Variants in CSRNP3 observed in about 807,000 individuals in gnomAD.
CSRNP3 encodes cysteine and serine rich nuclear protein 3.
A neutral mutation model predicts 48.0 loss-of-function variants in CSRNP3; 12 were observed. The observed-to-expected ratio is 0.25, with a 90% confidence interval of 0.16 to 0.41. The LOEUF is 0.41. Ranked by LOEUF, CSRNP3 falls within the 10% of genes least tolerant of loss-of-function variation. CSRNP3 has a pLI of 1.00. For synonymous variants in CSRNP3, 263 were observed against 269.7 expected (o/e 0.98, Z 0.24); for missense variants, 580 against 724.4 (o/e 0.80, Z 2.29).
intron 3 of CSRNP3, among the ~76,000 whole-genome samples, chr2:165,568,701 T>TA (rs1352346054): frequency 6.6e-6 from 1 of 151,984 alleles, no homozygotes; most frequent in Non-Finnish European, 1.5e-5. Flanking sequence ...TCAGACCAAC[T>TA]AAGAATAAAG....
intron 4 of CSRNP3, among the ~76,000 whole-genome samples, chr2:165,596,013 G>A (rs1040215484): frequency 2.8e-4 from 43 of 151,666 alleles, no homozygotes; most frequent in African/African-American, 5.8e-4. Flanking sequence ...TATAGATGGC[G>A]TTTCACCATA....
intron 4 of CSRNP3, among the ~76,000 whole-genome samples, chr2:165,642,712 G>A (rs941388596): frequency 5.9e-5 from 9 of 151,990 alleles, no homozygotes; most frequent in South Asian, 2.1e-4. Context: ...ACAGGCATGC[G>A]CCACCATGCC....
chr2:165,678,555 C>G, intron 6 of CSRNP3, 146 bp from the exon 7 acceptor site: 1 of 902,156 alleles, frequency 1.1e-6, no homozygotes, highest in East Asian at 2.6e-5. Flanking sequence ...CTTTTCATTT[C>G]TATTTGAAGT....
At chr2:165,649,305 C>T (rs189020533) in intron 4 of CSRNP3, among the ~76,000 whole-genome samples, 29 of 152,256 alleles carry the variant, frequency 1.9e-4, no homozygotes, top group African/African-American at 7.0e-4. Context: ...CACTCAGAAG[C>T]TGCAATGTGC....
intron 4 of CSRNP3, among the ~76,000 whole-genome samples, chr2:165,627,673 A>T (rs561407646): frequency 6.6e-5 from 10 of 152,162 alleles, no homozygotes; most frequent in Admixed American, 2.0e-4. Flanking sequence ...ACCTAAACAA[A>T]ACTCTCTGTC....
At chr2:165,542,434 G>A (rs1201796675) in intron 3 of CSRNP3, among the ~76,000 whole-genome samples, 1 of 152,074 alleles carries the variant, frequency 6.6e-6, no homozygotes, top group African/African-American at 2.4e-5. Context: ...AAGCATATAT[G>A]TACATAAACA....
chr2:165,505,450 C>T (rs1684413472), intron 2 of CSRNP3, among the ~76,000 whole-genome samples: 1 of 152,034 alleles, frequency 6.6e-6, no homozygotes, highest in African/African-American at 2.4e-5. Flanking sequence ...TTAAAAAAAT[C>T]TTCAATTATT....
Position 165,658,683 on chromosome 2 carries a change from G to A in CSRNP3, c.408+663G>A, listed in dbSNP as rs146029128. 2.6e-3 allele frequency among the ~76,000 whole-genome samples: 392 copies of A among 152,258 alleles called. 3 individuals carry two copies. The highest frequency in any genetic ancestry group is 8.6e-3 in the African/African-American group (357 of 41,526). On this transcript the variant is annotated intron_variant, in intron 5 of 6. Transcript: ENST00000651982. ...GCTGGAGAGGCCTCACAATCATGGC[G>A]GAGGGCAAAAGGCACTTATTACATG...
At chr2:165,642,154 A>G (rs1409939723) in intron 4 of CSRNP3, among the ~76,000 whole-genome samples, 2 of 150,802 alleles carry the variant, frequency 1.3e-5, no homozygotes, top group African/African-American at 2.5e-5. Flanking sequence ...ACACGGTATA[A>G]TGTATGTATT....
At chr2:165,563,386 T>A (rs1165268989) in intron 3 of CSRNP3, among the ~76,000 whole-genome samples, 2 of 152,136 alleles carry the variant, frequency 1.3e-5, no homozygotes, top group Non-Finnish European at 2.9e-5. Context: ...TCAAATAAGG[T>A]AAACGCCAAC....
rs1303513797 is a variant in CSRNP3, at chr2:165,687,666, G to T, written c.*7913G>T. 6.6e-6 allele frequency: 1 copy of T among 151,992 alleles called. No individual in the cohort carries two copies. The highest frequency in any genetic ancestry group is 1.5e-5 in the Non-Finnish European group (1 of 67,986). The allele number at this position is 151,992 out of a possible 1,614,324, so 9.4% of individuals were successfully genotyped here. On this transcript the variant is annotated 3_prime_UTR_variant, in exon 7 of 7. Coordinates refer to ENST00000651982, the MANE Select transcript of CSRNP3 (RefSeq NM_001172173.2). ...ATTTGATCCCAGCCTTTGTCCTTGTGTTATTTAAACAATGGCTTCCTGCTT... is the reference window on the plus strand; with the variant it reads ...ATTTGATCCCAGCCTTTGTCCTTGTTTTATTTAAACAATGGCTTCCTGCTT...
chr2:165,513,517 G>A (rs1340517962), intron 2 of CSRNP3, among the ~76,000 whole-genome samples: 1 of 152,120 alleles, frequency 6.6e-6, no homozygotes, highest in Admixed American at 6.5e-5. Context: ...TTAAAGGCAG[G>A]AACAAGATGA....
chr2:165,526,089 A>G (rs1684729276), intron 3 of CSRNP3, among the ~76,000 whole-genome samples: 1 of 152,166 alleles, frequency 6.6e-6, no homozygotes, highest in Non-Finnish European at 1.5e-5. Context: ...TGTCCGACTG[A>G]CGTATGTATT....
intron 5 of CSRNP3, among the ~76,000 whole-genome samples, chr2:165,662,290 A>C (rs1687111218): frequency 6.6e-6 from 1 of 152,138 alleles, no homozygotes. Flanking sequence ...ATATGTATGT[A>C]TTACCTTAGT....
intron 4 of CSRNP3, among the ~76,000 whole-genome samples, chr2:165,644,283 A>G (rs1345652890): frequency 6.6e-6 from 1 of 152,204 alleles, no homozygotes; most frequent in East Asian, 1.9e-4. Context: ...TTGCTTCAAT[A>G]CATAATTTTT....
intron 3 of CSRNP3, among the ~76,000 whole-genome samples, chr2:165,577,512 A>T (rs1045242438): frequency 6.6e-6 from 1 of 151,876 alleles, no homozygotes; most frequent in African/African-American, 2.4e-5. Flanking sequence ...CATGAAACAA[A>T]AATATAGTAC....
intron 3 of CSRNP3, among the ~76,000 whole-genome samples, chr2:165,540,246 CCT>C (rs1369542001): frequency 6.6e-6 from 1 of 151,976 alleles, no homozygotes; most frequent in Admixed American, 6.6e-5. Context: ...CAAATTACTC[CCT>C]GTCTTTATTG....
At chr2:165,498,917 A>G (rs1392118258) in intron 2 of CSRNP3, among the ~76,000 whole-genome samples, 2 of 152,180 alleles carry the variant, frequency 1.3e-5, no homozygotes, top group Admixed American at 1.3e-4. Context: ...CACAAGAATT[A>G]AAGTTGCTAT....
chr2:165,616,784 A>T (rs1033750067), intron 4 of CSRNP3, among the ~76,000 whole-genome samples: 1 of 152,082 alleles, frequency 6.6e-6, no homozygotes, highest in Admixed American at 6.5e-5. Flanking sequence ...TTGTGTTTGG[A>T]TGTCTAATAT....
Sources: gnomAD v4.1 joint callset for allele counts (sites outside exome capture counted in the v4.1 genomes callset) on GRCh38, gnomAD v4.1.1 for gene constraint, MANE v1.5 for transcripts, NCBI Gene and HGNC (gene_info 2026-07-23, HGNC 2026-07-21) for gene names.